STK32A: variants seen among roughly 807,000 people sequenced by gnomAD.
STK32A encodes serine/threonine-protein kinase 32A.
In STK32A, 41 loss-of-function variants were observed where a neutral mutation model predicts 53.2. The ratio of observed to expected loss-of-function variants is 0.77; its 90% CI spans 0.60 to 1.00. The LOEUF is 1.00. Ranked by LOEUF, STK32A falls within the 50% of genes least tolerant of loss-of-function variation. The pLI is 0.00. For missense variants in STK32A, 458 were observed against 485.8 expected (o/e 0.94, Z 0.54); for synonymous variants, 166 against 162.8 (o/e 1.02, Z -0.15).
At chr5:147,299,474 T>A (rs1288245123) in intron 4 of STK32A, among the ~76,000 whole-genome samples, 1 of 152,146 alleles carries the variant, frequency 6.6e-6, no homozygotes, top group Non-Finnish European at 1.5e-5. Context: ...TTCAGCCTCA[T>A]TTTACCCAGC....
intron 2 of STK32A, among the ~76,000 whole-genome samples, chr5:147,243,466 T>C (rs1753659066): frequency 1.2e-5 from 1 of 86,592 alleles, no homozygotes; most frequent in Non-Finnish European, 2.5e-5. Flanking sequence ...AGGCTAGGCA[T>C]GGTTGCTTAC....
At chr5:147,317,297 T>A (rs1754043842) in intron 4 of STK32A, among the ~76,000 whole-genome samples, 1 of 150,482 alleles carries the variant, frequency 6.6e-6, no homozygotes, top group Non-Finnish European at 1.5e-5. Flanking sequence ...ACAGCAAACA[T>A]TTAGGGTCTT....
intron 2 of STK32A, among the ~76,000 whole-genome samples, chr5:147,271,060 G>A (rs13169134): frequency 0.59 from 89,056 of 151,358 alleles, 26,548 homozygotes; most frequent in African/African-American, 0.67. Context: ...CAGTGGCACA[G>A]TCTTGGCTCA....
chr5:147,274,877 C>T (rs189605201), intron 2 of STK32A, among the ~76,000 whole-genome samples: 2 of 152,250 alleles, frequency 1.3e-5, no homozygotes, highest in African/African-American at 4.8e-5. Context: ...AGGGACTGTG[C>T]TCTTAATCTC....
intron 2 of STK32A, among the ~76,000 whole-genome samples, chr5:147,275,563 A>G (rs1755219907): frequency 6.6e-6 from 1 of 152,134 alleles, no homozygotes; most frequent in African/African-American, 2.4e-5. Flanking sequence ...GGCTCAAGCA[A>G]TGCTCCTGCC....
intron 9 of STK32A, among the ~76,000 whole-genome samples, chr5:147,371,872 C>G (rs1757018807): frequency 6.6e-6 from 1 of 152,144 alleles, no homozygotes; most frequent in African/African-American, 2.4e-5. Context: ...ACTGACCCTT[C>G]TACATAGTTT....
At chr5:147,247,987 G>A (rs989495904) in intron 2 of STK32A, among the ~76,000 whole-genome samples, 1 of 151,966 alleles carries the variant, frequency 6.6e-6, no homozygotes, top group African/African-American at 2.4e-5. Context: ...TGGGTGTGGT[G>A]GGGCCTACCT....
At chr5:147,264,242 C>A (rs941322672) in intron 2 of STK32A, among the ~76,000 whole-genome samples, 2 of 152,182 alleles carry the variant, frequency 1.3e-5, no homozygotes, top group African/African-American at 4.8e-5. Flanking sequence ...AGCCAGGAAT[C>A]TATCCTTAAA....
rs1220033689 is a variant in STK32A at position 147,387,177 on chromosome 5, C to A, written c.*3194C>A. The A allele has an allele frequency of 6.6e-6, 1 of 152,250 alleles. No individual in the cohort carries two copies. The highest frequency in any genetic ancestry group is 1.9e-4 in the East Asian group (1 of 5,186). The allele number at this position is 152,250 out of a possible 1,614,324, so 9.4% of individuals were successfully genotyped here. On this transcript the variant is annotated 3_prime_UTR_variant, in exon 13 of 13. Coordinates refer to ENST00000397936, the MANE Select transcript of STK32A (RefSeq NM_001112724.2). ...GACAGAGCTGCCCACCTCCAGTACA[C>A]CCTCAGTGACCTCGAGTAGATGCGT...
chr5:147,293,479 TAAAAAAAAAA>T (rs57835374), intron 4 of STK32A, among the ~76,000 whole-genome samples: 3 of 106,846 alleles, frequency 2.8e-5, no homozygotes, highest in Non-Finnish European at 3.6e-5. Flanking sequence ...TATTTCGAGG[TAAAAAAAAAA>T]AAAAAAAAAA....
chr5:147,260,318 T>TCTC (rs775767235), intron 2 of STK32A, among the ~76,000 whole-genome samples: 1 of 130,494 alleles, frequency 7.7e-6, no homozygotes, highest in African/African-American at 2.9e-5. Flanking sequence ...TCTCTCTCTC[T>TCTC]TCTCCGTCTC....
intron 4 of STK32A, among the ~76,000 whole-genome samples, chr5:147,299,642 A>G (rs1051030449): frequency 6.6e-6 from 1 of 152,188 alleles, no homozygotes; most frequent in Non-Finnish European, 1.5e-5. Flanking sequence ...ATGATTAAGT[A>G]TAGCATTTAT....
intron 1 of STK32A, among the ~76,000 whole-genome samples, chr5:147,237,929 A>G (rs1368801073): frequency 6.6e-6 from 1 of 152,188 alleles, no homozygotes; most frequent in Non-Finnish European, 1.5e-5. Context: ...TTCCCTTCAC[A>G]TGTAAAGAGC....
At chr5:147,297,314 G>T (rs1386103136) in intron 4 of STK32A, among the ~76,000 whole-genome samples, 1 of 152,176 alleles carries the variant, frequency 6.6e-6, no homozygotes, top group Non-Finnish European at 1.5e-5. Context: ...CCCACAGATA[G>T]AGACAGGAAA....
intron 2 of STK32A, among the ~76,000 whole-genome samples, chr5:147,255,864 T>C (rs1332678165): frequency 3.3e-5 from 5 of 152,220 alleles, no homozygotes; most frequent in African/African-American, 4.8e-5. Flanking sequence ...CCTGCGGCTA[T>C]TTGATTTTGG....
intron 11 of STK32A, among the ~76,000 whole-genome samples, chr5:147,381,984 C>T (rs928596849): frequency 6.6e-6 from 1 of 152,070 alleles, no homozygotes; most frequent in African/African-American, 2.4e-5. Context: ...AAATCACCCT[C>T]AAAAAAATCT....
intron 4 of STK32A, among the ~76,000 whole-genome samples, chr5:147,296,172 G>C (rs977009873): frequency 6.6e-6 from 1 of 152,158 alleles, no homozygotes; most frequent in Non-Finnish European, 1.5e-5. Context: ...TTCAATTCTT[G>C]CCTACTCTCA....
At chr5:147,348,757 T>G in intron 6 of STK32A, 1 of 763,484 alleles carries the variant, frequency 1.3e-6, no homozygotes, top group Non-Finnish European at 2.4e-6. Context: ...CCCAGGCACA[T>G]GTATTTTGCA....
At chr5:147,397,819 C>T in the STK32A span, 8 of 1,612,968 alleles carry the variant, frequency 5.0e-6, no homozygotes, top group Admixed American at 1.2e-4. Context: ...GCAGCTCCAT[C>T]CCTTCAAAGA....
Sources: allele counts gnomAD v4.1 joint callset (sites outside exome capture counted in the v4.1 genomes callset), GRCh38; gene constraint gnomAD v4.1.1; transcripts MANE v1.5; gene names NCBI Gene and HGNC (gene_info 2026-07-23, HGNC 2026-07-21).